The following ALX3 variants were observed in gnomAD, a reference collection of about 807,000 sequenced individuals.
ALX3 encodes ALX homeobox 3.
In ALX3, 17 loss-of-function variants were observed where a neutral mutation model predicts 26.3. The ratio of observed to expected loss-of-function variants is 0.65; its 90% confidence interval spans 0.44 to 0.97. The LOEUF (loss-of-function observed/expected upper bound fraction) is 0.97. Among genes scored for constraint, ALX3 ranks in the 50% least tolerant of loss-of-function variants. The probability of loss-of-function intolerance (pLI) is 0.00; values close to 1 mark genes in which losing one functional copy is unlikely to be tolerated. For missense variants in ALX3, 461 were observed against 466.5 expected (o/e 0.99, Z 0.11); for synonymous variants, 208 against 201.4 (o/e 1.03, Z -0.28).
At position 110,064,639 on chromosome 1, in the gene ALX3, T is replaced by C; in HGVS notation, c.542A>G (p.Tyr181Cys). 1 of 1,614,170 alleles carries C rather than the reference T, an allele frequency of 6.2e-7. No homozygotes were observed. The highest frequency in any genetic ancestry group is 8.5e-7 in the Non-Finnish European group (1 of 1,180,034). The change falls in exon 2 of 4, where the codon TAT (tyrosine) becomes TGT (cysteine). Residue 181 changes from tyrosine (Y) to cysteine (C), a missense_variant. Physicochemically the swap from Tyr to Cys is radical, Grantham distance 194. Coordinates refer to ENST00000647563, the MANE Select transcript of ALX3 (RefSeq NM_006492.3). ...VFQKTHYPDV[Y>C]AREQLALRTD... ...GCGCAGGGCCAGCTGCTCCCGGGCA[T>C]ACACATCAGGATAGTGGGTTTTCTG...
At chr1:110,063,144 C>T (rs677948) in intron 2 of ALX3, among the ~76,000 whole-genome samples, 309 of 152,286 alleles carry the variant, frequency 2.0e-3, no homozygotes, top group African/African-American at 6.4e-3. Flanking sequence ...ACTCCTGCAC[C>T]CTCTCAGGTT....
chr1:110,061,101 C>G lies in ALX3; in HGVS notation c.724-60G>C, dbSNP rs559092318. The G allele has an allele frequency of 2.6e-5, 40 of 1,540,220 alleles. No homozygotes were observed. The South Asian group carries it at 4.6e-4, about 18-fold the overall frequency. Reference sequence around the variant, plus strand: ...TAGCCTCAGGAGCTGACTTCCCTACCCAGGGGCTTTCTCTTTGTCCTTGGG... The same window carrying G: ...TAGCCTCAGGAGCTGACTTCCCTACGCAGGGGCTTTCTCTTTGTCCTTGGG... On this transcript the variant is annotated intron_variant, in intron 3 of 3. Transcript: ENST00000647563.
chr1:110,060,896 G>A lies in ALX3; in HGVS notation c.869C>T (p.Pro290Leu). The change falls in exon 4 of 4, where the codon CCT becomes CTT. Residue 290 changes from proline (P) to leucine (L), a missense_variant. Around this residue, in one of 3 missense-constraint regions of ALX3, gnomAD observed 169 missense variants for 178.0 expected, o/e 0.95. Coordinates refer to ENST00000647563, the MANE Select transcript of ALX3 (RefSeq NM_006492.3). Reference sequence around the variant, plus strand: ...GTAGATGCCAGGGTGAGCCGCAGAAGGGGCTGGCACCCCCATGAAGCCAGC... The same window carrying A: ...GTAGATGCCAGGGTGAGCCGCAGAAAGGGCTGGCACCCCCATGAAGCCAGC... ...SVAGFMGVPA[P>L]SAAHPGIYSI... 6.2e-7 allele frequency: 1 copy of A among 1,613,716 alleles called. No homozygotes were observed. Among genetic ancestry groups the A allele is most frequent in the Non-Finnish European group, 8.5e-7 (1 of 1,179,916 alleles).
intron 1 of ALX3, among the ~76,000 whole-genome samples, chr1:110,067,596 A>C (rs1021227310): frequency 2.6e-5 from 4 of 152,216 alleles, no homozygotes; most frequent in Admixed American, 2.0e-4. Flanking sequence ...GCAGCGCCGC[A>C]GCAGGCCCGA....
intron 1 of ALX3, among the ~76,000 whole-genome samples, chr1:110,066,648 AAG>A (rs1239455933): frequency 6.8e-6 from 1 of 146,050 alleles, no homozygotes; most frequent in African/African-American, 2.5e-5. Context: ...CCTGAGAAGA[AAG>A]AGTCTTGGTG....
At position 110,060,958 on chromosome 1, in the gene ALX3, T is replaced by A; in HGVS notation, c.807A>T (p.Pro269=). Residue 269 remains proline, a synonymous_variant, in exon 4 of 4, where the codon CCA becomes CCT. Coordinates refer to ENST00000647563, the MANE Select transcript of ALX3 (RefSeq NM_006492.3). The stretch of plus-strand genomic sequence containing the variant: ...GGGGGTGGGAATATGGAGACATGCA[T>A]GGGGAGGGGATGCCCTCTGGAGACA... ...CLVSPEGIPS[P]CMSPYSHPHG... 3 of 1,612,938 alleles carry A rather than the reference T, an allele frequency of 1.9e-6. No homozygotes were observed. Among genetic ancestry groups the A allele is most frequent in the Non-Finnish European group, 2.5e-6 (3 of 1,179,672 alleles).
intron 1 of ALX3, among the ~76,000 whole-genome samples, chr1:110,066,061 T>C (rs1653773743): frequency 6.6e-6 from 1 of 152,206 alleles, no homozygotes; most frequent in Admixed American, 6.5e-5. Context: ...GAGGCCCAGC[T>C]AGCTGGCACA....
intron 1 of ALX3, among the ~76,000 whole-genome samples, chr1:110,070,067 G>T (rs1046948747): frequency 6.6e-6 from 1 of 152,100 alleles, no homozygotes; most frequent in Admixed American, 6.5e-5. Context: ...ACTGGACTCC[G>T]GGCCGTCGCC....
Position 110,060,911 on chromosome 1 carries a change from A to G in ALX3, c.854T>C (p.Met285Thr), listed in dbSNP as rs1156864404. Residue 285 changes from methionine (M) to threonine (T), a missense_variant, in exon 4 of 4, where the codon ATG becomes ACG. By Grantham distance (81) the Met-to-Thr change is moderately conservative. Around this residue, in one of 3 missense-constraint regions of ALX3, gnomAD observed 169 missense variants for 178.0 expected, o/e 0.95. Transcript: ENST00000647563. ...AGCCGCAGAAGGGGCTGGCACCCCC[A>G]TGAAGCCAGCCACACTCCCATGGGG... ...SHPHGSVAGF[M>T]GVPAPSAAHP... 1 of 1,613,144 alleles carries G rather than the reference A, an allele frequency of 6.2e-7. No individual in the cohort carries two copies. Among genetic ancestry groups the G allele is most frequent in the African/African-American group, 1.3e-5 (1 of 75,028 alleles).
At chr1:110,069,981 G>A (rs1653878535) in intron 1 of ALX3, among the ~76,000 whole-genome samples, 1 of 152,214 alleles carries the variant, frequency 6.6e-6, no homozygotes, top group Non-Finnish European at 1.5e-5. Flanking sequence ...CTGGGCTTCA[G>A]GGTAGGTGGC....
Position 110,060,622 on chromosome 1 carries a change from C to T in ALX3, c.*111G>A. On this transcript the variant is annotated 3_prime_UTR_variant, in exon 4 of 4. Coordinates refer to ENST00000647563, the MANE Select transcript of ALX3 (RefSeq NM_006492.3). The stretch of plus-strand genomic sequence containing the variant: ...CCCTGCTGGGGGCTGACAGTGCCAG[C>T]TGCTCTCGCAGCCTCCAGAACCATC... 1 of 441,314 alleles carries T rather than the reference C, an allele frequency of 2.3e-6. No homozygotes were observed. Among genetic ancestry groups the T allele is most frequent in the Non-Finnish European group, 3.0e-6 (1 of 335,832 alleles). 27.3% of individuals were successfully genotyped at this position (441,314 alleles called of 1,614,324 possible). A position where few individuals can be genotyped will look rare whatever the true frequency, so the allele number is the denominator to read the frequency against.
At chr1:110,062,631 G>GCGCGCGCGCGCGCGCGC (rs1557802184) in intron 2 of ALX3, 4 of 1,462 alleles carry the variant, frequency 2.7e-3, no homozygotes, top group Non-Finnish European at 2.5e-3. Context: ...GTGTGTGTGT[G>GCGCGCGCGCGCGCGCGC]TGTGTGTGTG....
At chr1:110,062,644 T>TGTGCGCGCGCGCGCGCGCGCGCGCGCTG (rs1553196261) in intron 2 of ALX3, 1 of 63,354 alleles carries the variant, frequency 1.6e-5, no homozygotes, top group African/African-American at 8.0e-5. Context: ...TGTGTGTGTG[T>TGTGCGCGCGCGCGCGCGCGCGCGCGCTG]GGAGTAATCC....
At chr1:110,067,961 T>C (rs1653828961) in intron 1 of ALX3, among the ~76,000 whole-genome samples, 1 of 152,066 alleles carries the variant, frequency 6.6e-6, no homozygotes, top group South Asian at 2.1e-4. Context: ...CGGGCAAAAC[T>C]CTAGTAGGAG....
chr1:110,066,202 G>A (rs1403740362), intron 1 of ALX3, among the ~76,000 whole-genome samples: 1 of 152,230 alleles, frequency 6.6e-6, no homozygotes, highest in Non-Finnish European at 1.5e-5. Flanking sequence ...GACAAATGGG[G>A]CAGGGTCCTC....
Position 110,060,711 on chromosome 1 carries a change from T to A in ALX3, c.*22A>T. On this transcript the variant is annotated 3_prime_UTR_variant, in exon 4 of 4. Transcript: ENST00000647563. Reference sequence around the variant, plus strand: ...AATGGAAAAAGAGGTGGGCAGCTCATTCTGCAGGTCCATGCAACCGATCAC... The same window carrying A: ...AATGGAAAAAGAGGTGGGCAGCTCAATCTGCAGGTCCATGCAACCGATCAC... The A allele has an allele frequency of 7.9e-7, 1 of 1,259,798 alleles. No individual in the cohort carries two copies. 78.0% of individuals were successfully genotyped at this position (1,259,798 alleles called of 1,614,324 possible).
In ALX3 at chr1:110,061,032, A is replaced by G; in HGVS notation, c.733T>C (p.Ser245Pro). 1 of 1,608,138 alleles carries G rather than the reference A, an allele frequency of 6.2e-7. No individual in the cohort carries two copies. Among genetic ancestry groups the G allele is most frequent in the Non-Finnish European group, 8.5e-7 (1 of 1,178,078 alleles). Residue 245 changes from serine to proline, a missense_variant, in exon 4 of 4, where the codon TCC becomes CCC. Physicochemically the swap from Ser to Pro is moderately conservative, Grantham distance 74 (BLOSUM62 -1). Coordinates refer to ENST00000647563, the MANE Select transcript of ALX3 (RefSeq NM_006492.3). The part of the protein sequence containing the change: ...RTDSHPQLQN[S>P]LWASPGSGSP... ...CCAGATCCTGGACTGGCCCACAGGG[A>G]GTTCTGCAGCTGAAAAGAGAGGGAA...
chr1:110,064,971 GA>G, intron 1 of ALX3, 68 bp from the exon 2 acceptor site: 1 of 1,444,196 alleles, frequency 6.9e-7, no homozygotes, highest in African/African-American at 1.4e-5. Context: ...GGAATGGAGG[GA>G]GGGGGAAGAA....
At chr1:110,063,883 C>T (rs1018365018) in intron 2 of ALX3, among the ~76,000 whole-genome samples, 27 of 151,974 alleles carry the variant, frequency 1.8e-4, no homozygotes, top group African/African-American at 6.0e-4. Context: ...CCCTTGCCTT[C>T]CTCCCTTCTC....
Sources: allele counts gnomAD v4.1 joint callset (sites outside exome capture counted in the v4.1 genomes callset), GRCh38; gene constraint gnomAD v4.1.1; regional missense constraint gnomAD v4.1.1; transcripts MANE v1.5; gene names NCBI Gene and HGNC (gene_info 2026-07-23, HGNC 2026-07-21).